CDH2: variants seen among roughly 807,000 people sequenced by gnomAD.
CDH2 encodes the protein cadherin 2.
CDH2 carries 17 observed loss-of-function variants against 92.0 expected under a neutral mutation model. That is an observed-to-expected ratio of 0.18 (90% CI 0.13 to 0.28). CDH2 has a LOEUF of 0.28. Ranked by LOEUF, CDH2 falls within the 10% of genes least tolerant of loss-of-function variation. CDH2 has a pLI of 1.00. For missense variants in CDH2, 862 were observed against 1,133.1 expected (o/e 0.76, Z 3.44); for synonymous variants, 419 against 415.9 (o/e 1.01, Z -0.09).
chr18:28,166,710 C>A (rs551873599), intron 1 of CDH2, among the ~76,000 whole-genome samples: 3 of 152,082 alleles, frequency 2.0e-5, no homozygotes, highest in East Asian at 3.9e-4. Context: ...AAAATTAAAT[C>A]CACAAGTGTA....
intron 2 of CDH2, among the ~76,000 whole-genome samples, chr18:28,113,103 T>C (rs968463091): frequency 6.6e-6 from 1 of 152,176 alleles, no homozygotes; most frequent in African/African-American, 2.4e-5. Context: ...ATGTGGATAC[T>C]ATAGTGCAAA....
At chr18:28,130,897 C>G (rs932087901) in intron 2 of CDH2, among the ~76,000 whole-genome samples, 1 of 151,982 alleles carries the variant, frequency 6.6e-6, no homozygotes, top group Non-Finnish European at 1.5e-5. Flanking sequence ...GATGAGGTAC[C>G]CTTGAAAAAG....
intron 15 of CDH2, 121 bp downstream of exon 15, chr18:27,963,236 G>C (rs763585656): frequency 4.9e-6 from 4 of 813,470 alleles, no homozygotes; most frequent in Non-Finnish European, 7.3e-6. Context: ...ATGAACTTCA[G>C]AAACACAAGT....
At chr18:28,034,821 C>G (rs1365112691) in intron 2 of CDH2, among the ~76,000 whole-genome samples, 2 of 151,980 alleles carry the variant, frequency 1.3e-5, no homozygotes, top group Non-Finnish European at 2.9e-5. Flanking sequence ...GAGTATAAAT[C>G]CTTGAAGTTC....
chr18:28,173,460 T>A (rs1484797353), intron 1 of CDH2, among the ~76,000 whole-genome samples: 1 of 152,134 alleles, frequency 6.6e-6, no homozygotes, highest in African/African-American at 2.4e-5. Context: ...ATAAACACGA[T>A]TTACACTTAA....
chr18:28,056,022 T>C (rs1326693047), intron 2 of CDH2, among the ~76,000 whole-genome samples: 3 of 152,078 alleles, frequency 2.0e-5, no homozygotes, highest in Non-Finnish European at 4.4e-5. Flanking sequence ...AATGACTCCA[T>C]ATTCGGGGAA....
In CDH2 at chr18:27,963,472, G is replaced by A; in HGVS notation, c.2399C>T (p.Ala800Val). ...TCGTCGGATTCCCACAGGCTTGATG[G>A]CATCAGGCTCCACAGTGTCAGGCTG... is the stretch of plus-strand genomic sequence containing the variant. ...LQQPDTVEPD[A>V]IKPVGIRRMD... Residue 800 changes from alanine (A) to valine (V), a missense_variant, in exon 15 of 16, where the codon GCC becomes GTC. Physicochemically the swap from Ala to Val is moderately conservative, Grantham distance 64. Transcript: ENST00000269141. The A allele has an allele frequency of 2.5e-6, 4 of 1,613,904 alleles. No individual in the cohort carries two copies. The highest frequency in any genetic ancestry group is 2.2e-5 in the East Asian group (1 of 44,856).
intron 2 of CDH2, among the ~76,000 whole-genome samples, chr18:28,110,993 A>G (rs2015401836): frequency 6.6e-6 from 1 of 152,186 alleles, no homozygotes; most frequent in South Asian, 2.1e-4. Flanking sequence ...GAGGCTGAAA[A>G]AGAAAGAAAA....
chr18:27,940,931 C>T (rs1416731461), intron 6 of CDH2, among the ~76,000 whole-genome samples: 1 of 151,776 alleles, frequency 6.6e-6, no homozygotes, highest in Non-Finnish European at 1.5e-5. Context: ...ACCTGTTTCT[C>T]TGGGTTGTGC....
In CDH2 at chr18:28,177,068, G is replaced by A. The variant is rs2016559041; in HGVS notation, c.-46C>T. 1 of 1,364,162 alleles carries A rather than the reference G, an allele frequency of 7.3e-7. No individual in the cohort carries two copies. 84.5% of individuals were successfully genotyped at this position (1,364,162 alleles called of 1,614,324 possible). ...CGAAGAGCCGGAGGAGGCGGCGGCG[G>A]CGGCGGCGGCGGCGGAGGAGGAGGA... On this transcript the variant is annotated 5_prime_UTR_variant, in exon 1 of 16. Coordinates refer to ENST00000269141, the MANE Select transcript of CDH2 (RefSeq NM_001792.5).
intron 2 of CDH2, among the ~76,000 whole-genome samples, chr18:28,118,564 A>C (rs1669455003): frequency 6.6e-6 from 1 of 151,614 alleles, no homozygotes; most frequent in African/African-American, 2.4e-5. Context: ...TTTACAGTTT[A>C]ATTAGTCTGT....
At chr18:28,108,080 AC>A (rs2015351633) in intron 2 of CDH2, among the ~76,000 whole-genome samples, 1 of 152,138 alleles carries the variant, frequency 6.6e-6, no homozygotes, top group Non-Finnish European at 1.5e-5. Context: ...GGAAACAGTA[AC>A]CTTCCCATTT....
chr18:27,980,092 T>C (rs1303468772), intron 14 of CDH2, among the ~76,000 whole-genome samples: 2 of 152,208 alleles, frequency 1.3e-5, no homozygotes, highest in African/African-American at 4.8e-5. Flanking sequence ...CAGCTGCTTT[T>C]ATCCCTGAAG....
intron 2 of CDH2, among the ~76,000 whole-genome samples, chr18:28,080,856 T>C (rs2014815415): frequency 1.3e-5 from 2 of 152,176 alleles, no homozygotes; most frequent in South Asian, 4.1e-4. Flanking sequence ...ATGCCTCTGC[T>C]TACACCAGAT....
chr18:27,946,553 T>C (rs1282783819), downstream of CDH2, among the ~76,000 whole-genome samples: 1 of 152,042 alleles, frequency 6.6e-6, no homozygotes, highest in Non-Finnish European at 1.5e-5. Context: ...CCCAAAATGA[T>C]AAAATTGTAG....
intron 2 of CDH2, among the ~76,000 whole-genome samples, chr18:28,026,431 A>G (rs2013555079): frequency 6.6e-6 from 1 of 152,164 alleles, no homozygotes; most frequent in South Asian, 2.1e-4. Context: ...TGAACATGGT[A>G]GCAGACGTGG....
At chr18:28,007,510 GTTAT>G (rs905222975) in intron 5 of CDH2, among the ~76,000 whole-genome samples, 17 of 151,676 alleles carry the variant, frequency 1.1e-4, no homozygotes, top group Non-Finnish European at 1.9e-4. Flanking sequence ...AAATTCAGAG[GTTAT>G]TTAAACACAT....
intron 2 of CDH2, among the ~76,000 whole-genome samples, chr18:28,141,847 C>T (rs879387714): frequency 6.6e-6 from 1 of 152,030 alleles, no homozygotes; most frequent in Non-Finnish European, 1.5e-5. Flanking sequence ...CTTGCATTTG[C>T]TGTTAGCTCT....
At chr18:28,079,581 C>T (rs1353520605) in intron 2 of CDH2, among the ~76,000 whole-genome samples, 1 of 152,076 alleles carries the variant, frequency 6.6e-6, no homozygotes, top group African/African-American at 2.4e-5. Context: ...TATTTTAAAA[C>T]AAAACCAAGG....
Sources: allele counts gnomAD v4.1 joint callset (sites outside exome capture counted in the v4.1 genomes callset), GRCh38; gene constraint gnomAD v4.1.1; transcripts MANE v1.5; gene names NCBI Gene and HGNC (gene_info 2026-07-23, HGNC 2026-07-21).